PRMT2: variants seen among roughly 807,000 people sequenced by gnomAD.
PRMT2 encodes protein arginine methyltransferase 2.
A neutral mutation model predicts 57.6 loss-of-function variants in PRMT2; 26 were observed. The observed-to-expected ratio is 0.45, with a 90% confidence interval of 0.33 to 0.63. The LOEUF is 0.63. Among genes scored for constraint, PRMT2 ranks in the 20% least tolerant of loss-of-function variants. The pLI is 0.02. For synonymous variants in PRMT2, 219 were observed against 220.0 expected, an observed-to-expected ratio of 1.00 and a Z score of 0.04; for missense variants, 472 against 564.4, an observed-to-expected ratio of 0.84 and a Z score of 1.66.
chr21:46,649,869 T>G lies in PRMT2; in HGVS notation c.654+130T>G. On this transcript the variant is annotated intron_variant, in intron 7 of 11. Transcript: ENST00000355680. This position sits in a 1 kb window ranked among gnomAD's most constrained non-coding sequence, Gnocchi z 4.8. Reference sequence around the variant, plus strand: ...TTGATGTTTTCCCTAATGTGAGGTCTAATTAATTTCTTGTGTGGACATTGG... The same window carrying G: ...TTGATGTTTTCCCTAATGTGAGGTCGAATTAATTTCTTGTGTGGACATTGG... 3 of 1,500,596 alleles carry G rather than the reference T, an allele frequency of 2.0e-6. No individual in the cohort carries two copies. The highest frequency in any genetic ancestry group is 2.7e-6 in the Non-Finnish European group (3 of 1,115,516). 93.0% of individuals were successfully genotyped at this position (1,500,596 alleles called of 1,614,324 possible).
Position 46,648,506 on chromosome 21 carries a change from C to G in PRMT2, c.376C>G (p.His126Asp), listed in dbSNP as rs2061398700. Residue 126 changes from histidine (H) to aspartate (D), a missense_variant, in exon 6 of 12, where the codon CAC becomes GAC. Physicochemically the swap from His to Asp is moderately conservative, Grantham distance 81. Around this residue, in one of 2 missense-constraint regions of PRMT2, gnomAD observed 243 missense variants for 347.2 expected, o/e 0.70. Transcript: ENST00000355680. The surrounding 1 kb of genome is among the most constrained non-coding windows in gnomAD (Gnocchi z 4.8). The stretch of plus-strand genomic sequence containing the variant: ...AGACCAGCCACGAACAACTAAATAC[C>G]ACAGTGTCATCCTGCAGAATAAAGA... The part of the protein sequence containing the change: ...LADQPRTTKY[H>D]SVILQNKESL... 1 of 1,614,080 alleles carries G rather than the reference C, an allele frequency of 6.2e-7. No individual in the cohort carries two copies. Among genetic ancestry groups the G allele is most frequent in the Non-Finnish European group, 8.5e-7 (1 of 1,180,040 alleles).
In PRMT2 at chr21:46,664,632, TCC is replaced by T; in HGVS notation, c.*306_*307del. 6.1e-6 allele frequency: 3 copies of T among 489,218 alleles called. No homozygotes were observed. The South Asian group carries it at 6.9e-5, about 11-fold the overall frequency. 30.3% of individuals were successfully genotyped at this position (489,218 alleles called of 1,614,324 possible). On this transcript the variant is annotated 3_prime_UTR_variant, in exon 12 of 12. Coordinates refer to ENST00000355680, the MANE Select transcript of PRMT2 (RefSeq NM_206962.4). The stretch of plus-strand genomic sequence containing the variant: ...CCGTGGCTGGGTCGGAGCTCCATGT[TCC>T]TAAGCTAGGTCTAGGTCTACACTCC...
chr21:46,652,851 C>T (rs2061481370), intron 7 of PRMT2: 1 of 1,292,942 alleles, frequency 7.7e-7, no homozygotes, highest in Middle Eastern at 2.2e-4. Context: ...TTAGTTGTTA[C>T]AGGATCTTGC....
Position 46,661,892 on chromosome 21 carries a change from G to T in PRMT2, c.1053G>T (p.Gln351His). 6.7e-7 allele frequency: 1 copy of T among 1,495,052 alleles called. No individual in the cohort carries two copies. Among genetic ancestry groups the T allele is most frequent in the Non-Finnish European group, 9.0e-7 (1 of 1,115,192 alleles). 92.6% of individuals were successfully genotyped at this position (1,495,052 alleles called of 1,614,324 possible). Reference protein sequence around the residue: ...AWFSVHFQSLQEGQPPQVLST... With the variant: ...AWFSVHFQSLHEGQPPQVLST... ...TTAGCGTCCACTTCCAGAGCCTGCA[G>T]GAGGGGCAGCCGCCGCAGGTGCTCA... The change falls in exon 10 of 12, where the codon CAG becomes CAT. Residue 351 changes from glutamine (Q) to histidine (H), a missense_variant. This residue lies in a region of PRMT2 where 229 missense variants were observed against 217.2 expected (regional missense o/e 1.05). Transcript: ENST00000355680.
Position 46,649,626 on chromosome 21 carries a change from C to T in PRMT2, c.541C>T (p.Leu181=). Residue 181 remains leucine, a synonymous_variant, in exon 7 of 12, where the codon CTG becomes TTG. Transcript: ENST00000355680. The surrounding 1 kb of genome is among the most constrained non-coding windows in gnomAD (Gnocchi z 4.8). ...GGCACAGCACACGGGGCAGCTGGTC[C>T]TGCAGAACGGCTTTGCTGACATCAT... ...EMAQHTGQLV[L]QNGFADIITV... 6.2e-7 allele frequency: 1 copy of T among 1,614,132 alleles called. No homozygotes were observed.
chr21:46,664,614 T>A lies in PRMT2; in HGVS notation c.*287T>A, dbSNP rs1403682675. On this transcript the variant is annotated 3_prime_UTR_variant, in exon 12 of 12. Transcript: ENST00000355680. ...GGTGCCCACAGTGCCGACCCGTGGCTGGGTCGGAGCTCCATGTTCCTAAGC... is the reference window on the plus strand; with the variant it reads ...GGTGCCCACAGTGCCGACCCGTGGCAGGGTCGGAGCTCCATGTTCCTAAGC... 3 of 523,062 alleles carry A rather than the reference T, an allele frequency of 5.7e-6. No individual in the cohort carries two copies. The highest frequency in any genetic ancestry group is 1.0e-5 in the Non-Finnish European group (3 of 289,306). 32.4% of individuals were successfully genotyped at this position (523,062 alleles called of 1,614,324 possible). A position where few individuals can be genotyped will look rare whatever the true frequency, so the allele number is the denominator to read the frequency against.
In PRMT2 at chr21:46,648,676, G is replaced by A; in HGVS notation, c.489+57G>A. 1 of 1,588,214 alleles carries A rather than the reference G, an allele frequency of 6.3e-7. No homozygotes were observed. Among genetic ancestry groups the A allele is most frequent in the Non-Finnish European group, 8.6e-7 (1 of 1,163,456 alleles). On this transcript the variant is annotated intron_variant, in intron 6 of 11. Coordinates refer to ENST00000355680, the MANE Select transcript of PRMT2 (RefSeq NM_206962.4). This position sits in a 1 kb window ranked among gnomAD's most constrained non-coding sequence, Gnocchi z 4.8. ...TTGTGCCGAGGCTGGTGACGTCCGA[G>A]GTGGCCTCTGAGTGTGCTGACTTGT...
chr21:46,658,997 G>A, intron 8 of PRMT2, 77 bp downstream of exon 8: 1 of 1,534,796 alleles, frequency 6.5e-7, no homozygotes, highest in South Asian at 1.3e-5. Context: ...CCAAGGCCCT[G>A]GGAGATCCCA....
Position 46,661,927 on chromosome 21 carries a change from C to A in PRMT2, c.1088C>A (p.Pro363His). The A allele has an allele frequency of 2.9e-6, 4 of 1,379,066 alleles. No homozygotes were observed. Among genetic ancestry groups the A allele is most frequent in the Non-Finnish European group, 3.8e-6 (4 of 1,050,600 alleles). 85.4% of individuals were successfully genotyped at this position (1,379,066 alleles called of 1,614,324 possible). ...CCGCCGCAGGTGCTCAGCACCGGGC[C>A]CTTCCACCCGTGAGTGTGCGGGGCG... ...GQPPQVLSTG[P>H]FHPTTHWKQT... Residue 363 changes from proline to histidine, a missense_variant, in exon 10 of 12, where the codon CCC (proline) becomes CAC (histidine). By Grantham distance (77) the Pro-to-His change is moderately conservative (BLOSUM62 -2). Around this residue, in one of 2 missense-constraint regions of PRMT2, gnomAD observed 229 missense variants for 217.2 expected, o/e 1.05. Coordinates refer to ENST00000355680, the MANE Select transcript of PRMT2 (RefSeq NM_206962.4).
intron 7 of PRMT2, among the ~76,000 whole-genome samples, chr21:46,655,455 A>G (rs557101953): frequency 2.7e-4 from 41 of 152,244 alleles, no homozygotes; most frequent in Non-Finnish European, 5.7e-4. Context: ...TGAAGAAGAA[A>G]AATCATGATT....
chr21:46,651,967 C>T (rs768549336), intron 7 of PRMT2: 4 of 1,613,324 alleles, frequency 2.5e-6, no homozygotes, highest in South Asian at 2.2e-5. Flanking sequence ...CCCCTCAGCC[C>T]TCAGGCCTTC....
At chr21:46,652,072 G>A in intron 7 of PRMT2, 3 of 1,594,186 alleles carry the variant, frequency 1.9e-6, no homozygotes, top group Non-Finnish European at 2.6e-6. Flanking sequence ...AGGAGGGGCA[G>A]CTTTCAGTCA....
In PRMT2 at chr21:46,664,716, A is replaced by G. The variant is rs3747011; in HGVS notation, c.*389A>G. 221,256 of 246,888 alleles carry G rather than the reference A, an allele frequency of 0.9. 99,312 individuals carry two copies. The highest frequency in any genetic ancestry group is 0.93 in the East Asian group (11,774 of 12,716). The allele number at this position is 246,888 out of a possible 1,614,324, so 15.3% of individuals were successfully genotyped here. ...GTGACAGTGACTGTCCCCACCTCCT[A>G]TGTTAGTGGTGCCCTTACTGCCGTC... On this transcript the variant is annotated 3_prime_UTR_variant, in exon 12 of 12. Transcript: ENST00000355680.
intron 7 of PRMT2, 82 bp from the exon 8 acceptor site, chr21:46,658,663 G>C (rs2061574130): frequency 1.3e-6 from 2 of 1,566,898 alleles, no homozygotes; most frequent in South Asian, 2.4e-5. Flanking sequence ...TGTCAGACTA[G>C]TGTTACGAAT....
chr21:46,659,154 A>G, intron 8 of PRMT2: 6 of 1,258,668 alleles, frequency 4.8e-6, no homozygotes, highest in Non-Finnish European at 6.0e-6. Context: ...TCGTATGTGA[A>G]AAAGGTGGCA....
At chr21:46,662,863 C>T (rs970881232) in intron 10 of PRMT2, among the ~76,000 whole-genome samples, 2 of 152,196 alleles carry the variant, frequency 1.3e-5, no homozygotes, top group African/African-American at 4.8e-5. Context: ...TTCACAGAAG[C>T]GACTCCTTGG....
At chr21:46,646,390 C>G (rs2061365640) in intron 5 of PRMT2, among the ~76,000 whole-genome samples, 1 of 152,228 alleles carries the variant, frequency 6.6e-6, no homozygotes, top group African/African-American at 2.4e-5. Flanking sequence ...GCTCAAAGAA[C>G]CACTGCCCAC....
intron 5 of PRMT2, 140 bp downstream of exon 5, chr21:46,644,628 T>G: frequency 1.3e-6 from 1 of 775,050 alleles, no homozygotes; most frequent in Non-Finnish European, 1.9e-6. Flanking sequence ...CTGACATGGT[T>G]GTGTGGAAGC....
chr21:46,660,933 A>G lies in PRMT2; in HGVS notation c.931A>G (p.Met311Val). Residue 311 changes from methionine (M) to valine (V), a missense_variant, in exon 9 of 12, where the codon ATG becomes GTG. By Grantham distance (21) the Met-to-Val change is conservative (BLOSUM62 1). This residue lies in a region of PRMT2 where 229 missense variants were observed against 217.2 expected (regional missense o/e 1.05). Transcript: ENST00000355680. ...ACCGTGCACTATATTGCAGTTGGAC[A>G]TGAGAACCGTGCAAATTTCTGATCT... The part of the protein sequence containing the change: ...SEPCTILQLD[M>V]RTVQISDLET... The G allele has an allele frequency of 6.2e-7, 1 of 1,613,486 alleles. No individual in the cohort carries two copies. The highest frequency in any genetic ancestry group is 8.5e-7 in the Non-Finnish European group (1 of 1,179,540).
Sources: gnomAD v4.1 joint callset for allele counts (sites outside exome capture counted in the v4.1 genomes callset) on GRCh38, gnomAD v4.1.1 for gene constraint, gnomAD v4.1.1 regional missense constraint, Gnocchi (gnomAD v3.1) non-coding constraint, MANE v1.5 for transcripts, NCBI Gene and HGNC (gene_info 2026-07-23, HGNC 2026-07-21) for gene names.